The following PRKN variants were observed in gnomAD, a reference collection of about 807,000 sequenced individuals.
PRKN encodes the protein E3 ubiquitin-protein ligase parkin.
In PRKN, 56 loss-of-function variants were observed where a neutral mutation model predicts 59.5. That is an observed-to-expected ratio of 0.94 (90% CI 0.76 to 1.18). PRKN has a LOEUF of 1.18. Ranked by LOEUF, PRKN falls within the 50% of genes most tolerant of loss-of-function variation. The pLI is 0.00. For missense variants in PRKN, 657 were observed against 596.4 expected, an observed-to-expected ratio of 1.10 and a Z score of -1.06; for synonymous variants, 250 against 222.1, an observed-to-expected ratio of 1.13 and a Z score of -1.12.
chr6:162,179,747 G>A (rs901159433), intron 4 of PRKN, among the ~76,000 whole-genome samples: 2 of 152,122 alleles, frequency 1.3e-5, no homozygotes, highest in Non-Finnish European at 2.9e-5. Context: ...GTTCCCTAGA[G>A]TTGCCACTGG....
chr6:162,084,006 T>C (rs1387694874), intron 4 of PRKN, among the ~76,000 whole-genome samples: 2 of 152,086 alleles, frequency 1.3e-5, no homozygotes, highest in Non-Finnish European at 2.9e-5. Context: ...AATTAAAAAA[T>C]AATTTTAGAA....
intron 1 of PRKN, among the ~76,000 whole-genome samples, chr6:162,709,335 CTG>C (rs1017482900): frequency 6.6e-6 from 1 of 151,656 alleles, no homozygotes; most frequent in Non-Finnish European, 1.5e-5. Flanking sequence ...TTGGAGACTA[CTG>C]TCTTACTGGG....
intron 2 of PRKN, among the ~76,000 whole-genome samples, chr6:162,289,479 C>T (rs117654635): frequency 0.033 from 4,982 of 151,878 alleles, 118 homozygotes; most frequent in Middle Eastern, 0.075. Context: ...GCAGGTGGAT[C>T]ACTTGAGCTC....
At chr6:161,652,775 A>G (rs1784197235) in intron 7 of PRKN, among the ~76,000 whole-genome samples, 1 of 152,256 alleles carries the variant, frequency 6.6e-6, no homozygotes, top group Non-Finnish European at 1.5e-5. Flanking sequence ...CTAGAATACA[A>G]CCAAACCAGC....
chr6:162,151,399 G>A (rs966243357), intron 4 of PRKN, among the ~76,000 whole-genome samples: 1 of 152,180 alleles, frequency 6.6e-6, no homozygotes, highest in Non-Finnish European at 1.5e-5. Context: ...ACATATGCCA[G>A]TCTCTTTCTA....
chr6:161,638,780 C>A (rs1783626251), intron 7 of PRKN, among the ~76,000 whole-genome samples: 1 of 124,976 alleles, frequency 8.0e-6, no homozygotes, highest in Admixed American at 9.0e-5. Flanking sequence ...CTCACTCTTT[C>A]AGCCAGGCTG....
chr6:162,055,988 C>T lies in PRKN; in HGVS notation c.535-1814G>A, dbSNP rs955758619. Among the ~76,000 whole-genome samples, 3 of 142,194 alleles carry T rather than the reference C, an allele frequency of 2.1e-5. No individual in the cohort carries two copies. The East Asian group carries it at 6.6e-4, about 31-fold the overall frequency. The allele number at this position is 142,194 out of a possible 152,430, so 93.3% of individuals were successfully genotyped here. ...CATATACATGCACATACCACACACA[C>T]TCAGGCATGCACGCACACAGGCATG... is the stretch of plus-strand genomic sequence containing the variant. On this transcript the variant is annotated intron_variant, in intron 4 of 11. Transcript: ENST00000366898.
intron 7 of PRKN, among the ~76,000 whole-genome samples, chr6:161,597,316 T>C (rs548920676): frequency 7.2e-5 from 11 of 152,332 alleles, no homozygotes; most frequent in Admixed American, 3.9e-4. Context: ...TTTTCTGTTA[T>C]TGTAGCTAAA....
chr6:162,506,643 C>A (rs1274884417), intron 1 of PRKN, among the ~76,000 whole-genome samples: 1 of 152,040 alleles, frequency 6.6e-6, no homozygotes, highest in African/African-American at 2.4e-5. Context: ...GAATCATGAT[C>A]CCGGGTGAAA....
In PRKN at chr6:161,446,347, A is replaced by C. The variant is rs1007309993; in HGVS notation, c.1084-59470T>G. On this transcript the variant is annotated intron_variant, in intron 9 of 11. Transcript: ENST00000366898. This position sits in a 1 kb window ranked among gnomAD's most constrained non-coding sequence, Gnocchi z 6.2. ...GCCTTTGGGGAGGTTTCGAGGTCCA[A>C]GTGTGACTTAGAGGAACTGGGAGAT... Among the ~76,000 whole-genome samples, 4 of 152,102 alleles carry C rather than the reference A, an allele frequency of 2.6e-5. No homozygotes were observed. Among genetic ancestry groups the C allele is most frequent in the Non-Finnish European group, 4.4e-5 (3 of 68,012 alleles).
At chr6:162,086,479 G>A (rs575175273) in intron 4 of PRKN, among the ~76,000 whole-genome samples, 2 of 152,258 alleles carry the variant, frequency 1.3e-5, no homozygotes, top group South Asian at 2.1e-4. Context: ...AAAACGACTC[G>A]CTGTTACCAT....
At chr6:162,510,280 T>C (rs1247851576) in intron 1 of PRKN, among the ~76,000 whole-genome samples, 1 of 152,200 alleles carries the variant, frequency 6.6e-6, no homozygotes, top group African/African-American at 2.4e-5. Flanking sequence ...TGAAATTCTG[T>C]TGGTTGAATA....
intron 6 of PRKN, among the ~76,000 whole-genome samples, chr6:161,878,628 T>C (rs776742080): frequency 2.6e-5 from 4 of 152,154 alleles, no homozygotes; most frequent in African/African-American, 4.8e-5. Context: ...AATTCCAAGA[T>C]AGTGACAGCA....
intron 3 of PRKN, among the ~76,000 whole-genome samples, chr6:162,205,392 G>T (rs936977506): frequency 4.6e-5 from 7 of 152,056 alleles, no homozygotes; most frequent in African/African-American, 9.7e-5. Flanking sequence ...TTAGATAATA[G>T]GCTTAAGGGT....
chr6:161,966,976 T>G (rs2128250059), intron 6 of PRKN, among the ~76,000 whole-genome samples: 1 of 152,178 alleles, frequency 6.6e-6, no homozygotes, highest in African/African-American at 2.4e-5. Flanking sequence ...GGACTACAGG[T>G]GCACACCACC....
chr6:161,721,615 A>T (rs1428390985), intron 7 of PRKN, among the ~76,000 whole-genome samples: 1 of 152,232 alleles, frequency 6.6e-6, no homozygotes, highest in Non-Finnish European at 1.5e-5. Flanking sequence ...AGAAAACATA[A>T]ATGGATTTTA....
intron 4 of PRKN, among the ~76,000 whole-genome samples, chr6:162,198,899 A>G (rs572077182): frequency 1.5e-4 from 23 of 152,298 alleles, no homozygotes; most frequent in African/African-American, 5.5e-4. Flanking sequence ...GTTTAGGCCA[A>G]TGCTACAGGT....
rs1790524637 is a variant in PRKN at position 161,467,247 on chromosome 6, C to CTCAA, written c.1084-80371_1084-80370insTTGA. Among the ~76,000 whole-genome samples the CTCAA allele has an allele frequency of 6.6e-6, 1 of 152,188 alleles. No homozygotes were observed. The highest frequency in any genetic ancestry group is 1.5e-5 in the Non-Finnish European group (1 of 68,044). On this transcript the variant is annotated intron_variant, in intron 9 of 11. Coordinates refer to ENST00000366898, the MANE Select transcript of PRKN (RefSeq NM_004562.3). The surrounding 1 kb of genome is among the most constrained non-coding windows in gnomAD (Gnocchi z 4.3). ...ACCCTTCTGTCTTAAGTATAATTCA[C>CTCAA]TCATTCATTCATTCATTCACCCATT...
intron 6 of PRKN, among the ~76,000 whole-genome samples, chr6:161,960,353 G>A (rs1012250373): frequency 7.9e-5 from 12 of 152,150 alleles, no homozygotes; most frequent in African/African-American, 2.4e-4. Context: ...TTGGAAAGAC[G>A]GCTGGAGACA....
Sources: allele counts gnomAD v4.1 joint callset (sites outside exome capture counted in the v4.1 genomes callset), GRCh38; gene constraint gnomAD v4.1.1; non-coding constraint Gnocchi (gnomAD v3.1); transcripts MANE v1.5; gene names NCBI Gene and HGNC (gene_info 2026-07-23, HGNC 2026-07-21).